MATN2: variants seen among roughly 807,000 people sequenced by gnomAD.
MATN2 encodes matrilin 2.
In MATN2, 69 loss-of-function variants were observed where a neutral mutation model predicts 103.2. The ratio of observed to expected loss-of-function variants is 0.67; its 90% CI spans 0.55 to 0.82. The LOEUF is 0.82. Among genes scored for constraint, MATN2 ranks in the 40% least tolerant of loss-of-function variants. MATN2 has a pLI of 0.00. For synonymous variants in MATN2, 429 were observed against 450.2 expected (o/e 0.95, Z 0.60); for missense variants, 1,023 against 1,211.5 (o/e 0.84, Z 2.31).
intron 4 of MATN2, among the ~76,000 whole-genome samples, chr8:97,959,484 C>T (rs192618337): frequency 2.6e-5 from 4 of 152,218 alleles, no homozygotes; most frequent in East Asian, 3.9e-4. Flanking sequence ...AGTTTTCTTC[C>T]GGTTATGGGT....
At chr8:97,884,212 C>T (rs1012317155) in intron 1 of MATN2, among the ~76,000 whole-genome samples, 2 of 150,842 alleles carry the variant, frequency 1.3e-5, no homozygotes, top group African/African-American at 4.9e-5. Flanking sequence ...GCAATCTTGG[C>T]TCATTGCAGC....
intron 1 of MATN2, among the ~76,000 whole-genome samples, chr8:97,870,015 C>A (rs1286039649): frequency 1.3e-5 from 2 of 152,084 alleles, no homozygotes; most frequent in African/African-American, 4.8e-5. Flanking sequence ...GCATCTGCAC[C>A]AAGCACACTT....
chr8:97,933,166 C>A (rs114570021), intron 3 of MATN2, among the ~76,000 whole-genome samples: 5 of 152,162 alleles, frequency 3.3e-5, no homozygotes, highest in Non-Finnish European at 5.9e-5. Context: ...AAAAAAAGAA[C>A]CTTTTTCCTT....
chr8:97,932,775 G>A (rs542333853), intron 3 of MATN2, among the ~76,000 whole-genome samples: 2 of 152,328 alleles, frequency 1.3e-5, no homozygotes, highest in South Asian at 4.1e-4. Flanking sequence ...TCCATTCCCA[G>A]TGGTCCCTGT....
At chr8:97,923,231 C>T (rs1344971230) in intron 2 of MATN2, among the ~76,000 whole-genome samples, 1 of 151,962 alleles carries the variant, frequency 6.6e-6, no homozygotes, top group African/African-American at 2.4e-5. Flanking sequence ...AACTTTTCTC[C>T]CCAGTGTCCC....
chr8:98,023,619 T>G (rs950024646), intron 13 of MATN2, among the ~76,000 whole-genome samples: 1 of 152,062 alleles, frequency 6.6e-6, no homozygotes, highest in African/African-American at 2.4e-5. Flanking sequence ...TACAGTGAGT[T>G]GTGATTGTGC....
intron 1 of MATN2, among the ~76,000 whole-genome samples, chr8:97,875,894 A>G (rs1818052517): frequency 6.6e-6 from 1 of 151,466 alleles, no homozygotes; most frequent in South Asian, 2.1e-4. Flanking sequence ...ATGGGGTTTC[A>G]CCGTGTTAGC....
intron 6 of MATN2, among the ~76,000 whole-genome samples, chr8:97,988,219 C>CACATAT (rs1812272187): frequency 8.0e-6 from 1 of 124,346 alleles, no homozygotes; most frequent in Non-Finnish European, 1.6e-5. Context: ...TACACACATA[C>CACATAT]ATATATATAT....
intron 5 of MATN2, among the ~76,000 whole-genome samples, chr8:97,963,165 T>G (rs1274902841): frequency 6.6e-6 from 1 of 152,182 alleles, no homozygotes; most frequent in Non-Finnish European, 1.5e-5. Flanking sequence ...AAAAACATTT[T>G]GTAAAGATTT....
intron 10 of MATN2, among the ~76,000 whole-genome samples, chr8:98,014,224 C>T (rs894216772): frequency 1.3e-5 from 2 of 152,040 alleles, no homozygotes; most frequent in African/African-American, 4.8e-5. Flanking sequence ...ACAAGGTTGA[C>T]GTGAAAGAGC....
intron 6 of MATN2, among the ~76,000 whole-genome samples, chr8:97,988,103 G>A (rs1812253824): frequency 7.1e-6 from 1 of 139,972 alleles, no homozygotes; most frequent in African/African-American, 2.7e-5. Context: ...AGGATCACTT[G>A]AGGCAAGGAG....
intron 4 of MATN2, among the ~76,000 whole-genome samples, chr8:97,958,135 G>A (rs1811196190): frequency 6.6e-6 from 1 of 152,086 alleles, no homozygotes; most frequent in Non-Finnish European, 1.5e-5. Context: ...TGATTTTTTT[G>A]TCTTCCTCCA....
chr8:98,007,522 C>T lies in MATN2; in HGVS notation c.1494C>T (p.Ser498=). 1 of 1,613,616 alleles carries T rather than the reference C, an allele frequency of 6.2e-7. No individual in the cohort carries two copies. Among genetic ancestry groups the T allele is most frequent in the Non-Finnish European group, 8.5e-7 (1 of 1,179,566 alleles). The change falls in exon 10 of 19, where the codon TCC becomes TCT. Residue 498 remains serine, a synonymous_variant. Coordinates refer to ENST00000254898, the MANE Select transcript of MATN2 (RefSeq NM_002380.5). The surrounding 1 kb of genome is among the most constrained non-coding windows in gnomAD (Gnocchi z 4.2). The part of the protein sequence containing the change: ...CLLSDHGCEY[S]CVNMDRSFAC... ...TGAGTGACCATGGTTGTGAATACTC[C>T]TGTGTCAACATGGACAGATCCTTTG...
chr8:97,905,866 G>T lies in MATN2; in HGVS notation c.142+17624G>T, dbSNP rs1819152936. ...AGTAGAGACAGGGTTTCATCATGTTGCCCAGGCTGGTCTTGAACTCCTGGG... is the reference window on the plus strand; with the variant it reads ...AGTAGAGACAGGGTTTCATCATGTTTCCCAGGCTGGTCTTGAACTCCTGGG... On this transcript the variant is annotated intron_variant, in intron 2 of 18. Coordinates refer to ENST00000254898, the MANE Select transcript of MATN2 (RefSeq NM_002380.5). Among the ~76,000 whole-genome samples the T allele has an allele frequency of 2.6e-5, 4 of 152,056 alleles. No homozygotes were observed. The South Asian group carries it at 6.2e-4, about 24-fold the overall frequency.
At chr8:97,956,745 C>T (rs1002901612) in intron 4 of MATN2, among the ~76,000 whole-genome samples, 1 of 152,170 alleles carries the variant, frequency 6.6e-6, no homozygotes, top group African/African-American at 2.4e-5. Flanking sequence ...CTACCTCACT[C>T]TGAGCCCTCT....
At chr8:98,008,879 A>G (rs1338852259) in intron 10 of MATN2, among the ~76,000 whole-genome samples, 2 of 152,132 alleles carry the variant, frequency 1.3e-5, no homozygotes, top group African/African-American at 4.8e-5. Context: ...TGGTTGTAGG[A>G]CCCTACGAAA....
intron 6 of MATN2, among the ~76,000 whole-genome samples, chr8:97,991,539 CG>C (rs1563712138): frequency 6.6e-6 from 1 of 152,096 alleles, no homozygotes; most frequent in Non-Finnish European, 1.5e-5. Context: ...CTGGGCAACA[CG>C]GTGAAACCCC....
At chr8:97,937,623 C>G (rs2130168425) in intron 3 of MATN2, among the ~76,000 whole-genome samples, 1 of 125,646 alleles carries the variant, frequency 8.0e-6, no homozygotes, top group East Asian at 2.5e-4. Flanking sequence ...GAGTCACTCT[C>G]TGTCACCCAG....
intron 13 of MATN2, among the ~76,000 whole-genome samples, chr8:98,025,941 G>C (rs1391084169): frequency 6.6e-6 from 1 of 151,934 alleles, no homozygotes; most frequent in Non-Finnish European, 1.5e-5. Context: ...ACTTTGGAAG[G>C]CCAAGGCAGG....
Sources: gnomAD v4.1 joint callset for allele counts (sites outside exome capture counted in the v4.1 genomes callset) on GRCh38, gnomAD v4.1.1 for gene constraint, Gnocchi (gnomAD v3.1) non-coding constraint, MANE v1.5 for transcripts, NCBI Gene and HGNC (gene_info 2026-07-23, HGNC 2026-07-21) for gene names.